Variants in SLC37A3 observed in about 807,000 individuals in gnomAD.
The protein encoded by SLC37A3 is solute carrier family 37 member 3, also known as sugar phosphate exchanger 3.
A neutral mutation model predicts 67.1 loss-of-function variants in SLC37A3; 51 were observed. The observed-to-expected ratio is 0.76, with a 90% CI of 0.61 to 0.96. The LOEUF (loss-of-function observed/expected upper bound fraction) is 0.96, where lower values mean the gene tolerates loss of function less well. Ranked by LOEUF, SLC37A3 falls within the 40% of genes least tolerant of loss-of-function variation. The pLI is 0.00. For missense variants in SLC37A3, 508 were observed against 603.0 expected, an observed-to-expected ratio of 0.84 and a Z score of 1.65; for synonymous variants, 214 against 231.4, an observed-to-expected ratio of 0.92 and a Z score of 0.68.
Position 140,343,505 on chromosome 7 carries a change from A to G in SLC37A3, c.1233T>C (p.Gly411=). The G allele has an allele frequency of 6.2e-7, 1 of 1,614,046 alleles. No homozygotes were observed. The highest frequency in any genetic ancestry group is 1.1e-5 in the South Asian group (1 of 91,052). The change falls in exon 13 of 15, where the codon GGT becomes GGC. Residue 411 remains glycine (G), a synonymous_variant. Transcript: ENST00000326232. ...TGCTCCTTTGGATGAGCTCCTGGCG[A>G]CCCAAGTCCGCAGAAATAGCAGAAC... The part of the protein sequence containing the change: ...MISSAISADL[G]RQELIQRSSE...
chr7:140,352,159 G>A lies in SLC37A3; in HGVS notation c.619-13C>T. 6.3e-7 allele frequency: 1 copy of A among 1,582,186 alleles called. No individual in the cohort carries two copies. Among genetic ancestry groups the A allele is most frequent in the Non-Finnish European group, 8.6e-7 (1 of 1,160,724 alleles). On this transcript the variant is annotated splice_polypyrimidine_tract_variant and intron_variant, in intron 7 of 14. Transcript: ENST00000326232. ...CCAGAAAGGCATACTGGAGGAGAGG[G>A]GTGAAAGGTGGTCCTTACATATCTG...
rs1291886101 is a variant in SLC37A3, at chr7:140,363,040, C to G, written c.375+1368G>C. On this transcript the variant is annotated intron_variant, in intron 5 of 14. Transcript: ENST00000326232. Reference sequence around the variant, plus strand: ...AATGGGAAGTGAGGACCCCTCTGCCCGGCCAGCCGCCCCGTCAGGGAGGGT... The same window carrying G: ...AATGGGAAGTGAGGACCCCTCTGCCGGGCCAGCCGCCCCGTCAGGGAGGGT... Among the ~76,000 whole-genome samples, 4 of 94,436 alleles carry G rather than the reference C, an allele frequency of 4.2e-5. 2 individuals carry two copies. Among genetic ancestry groups the G allele is most frequent in the African/African-American group, 1.5e-4 (4 of 25,852 alleles). 62.0% of individuals were successfully genotyped at this position (94,436 alleles called of 152,430 possible).
At chr7:140,352,765 A>G (rs1439904509) in intron 7 of SLC37A3, among the ~76,000 whole-genome samples, 1 of 152,194 alleles carries the variant, frequency 6.6e-6, no homozygotes. Context: ...GGCTTCTGCT[A>G]GGGGATAATC....
At chr7:140,368,759 TC>T (rs1255093502) in intron 4 of SLC37A3, among the ~76,000 whole-genome samples, 23 of 152,104 alleles carry the variant, frequency 1.5e-4, no homozygotes, top group African/African-American at 4.3e-4. Context: ...CTCCCCAGTC[TC>T]CCCTCTGCCA....
chr7:140,350,435 C>T (rs547205964), intron 9 of SLC37A3, among the ~76,000 whole-genome samples: 222 of 152,234 alleles, frequency 1.5e-3, no homozygotes, highest in Middle Eastern at 6.8e-3. Context: ...AATGCATTAC[C>T]AAGAAAGACT....
At chr7:140,338,405 T>C (rs1488387163) in intron 13 of SLC37A3, among the ~76,000 whole-genome samples, 1 of 152,184 alleles carries the variant, frequency 6.6e-6, no homozygotes, top group Admixed American at 6.5e-5. Context: ...GGAATCACAG[T>C]ATTTGTCCTT....
chr7:140,336,800 C>T (rs1204534957), intron 14 of SLC37A3, among the ~76,000 whole-genome samples: 1 of 152,006 alleles, frequency 6.6e-6, no homozygotes, highest in African/African-American at 2.4e-5. Flanking sequence ...TTTTCTTCCT[C>T]ACAAAGAAGA....
At chr7:140,338,133 G>A (rs149574629) in intron 13 of SLC37A3, among the ~76,000 whole-genome samples, 1,793 of 152,072 alleles carry the variant, frequency 0.012, 37 homozygotes, top group African/African-American at 0.041. Flanking sequence ...CTTGTGATCC[G>A]TCCACCTCGG....
chr7:140,377,209 T>C (rs1007628531), intron 3 of SLC37A3, among the ~76,000 whole-genome samples: 1 of 151,236 alleles, frequency 6.6e-6, no homozygotes, highest in Non-Finnish European at 1.5e-5. Flanking sequence ...CCTCCCAAAG[T>C]GTTTTTTTTT....
chr7:140,375,057 A>G (rs1190732631), intron 3 of SLC37A3, among the ~76,000 whole-genome samples: 4 of 31,034 alleles, frequency 1.3e-4, no homozygotes, highest in African/African-American at 4.5e-4. Context: ...GAGGCAGAAG[A>G]ATCGAAGAAT....
chr7:140,361,152 A>G (rs1274491131), intron 5 of SLC37A3, among the ~76,000 whole-genome samples: 3 of 151,948 alleles, frequency 2.0e-5, no homozygotes, highest in East Asian at 3.9e-4. Flanking sequence ...CATCCAAGGC[A>G]GGCAGAACAG....
At chr7:140,340,209 T>C (rs1796305210) in intron 13 of SLC37A3, among the ~76,000 whole-genome samples, 1 of 152,184 alleles carries the variant, frequency 6.6e-6, no homozygotes. Flanking sequence ...ATGAGTTTCA[T>C]AATTTTAAGT....
chr7:140,386,293 T>C (rs1302264503), intron 1 of SLC37A3, among the ~76,000 whole-genome samples: 1 of 151,992 alleles, frequency 6.6e-6, no homozygotes, highest in Non-Finnish European at 1.5e-5. Flanking sequence ...TGGTCTTGAA[T>C]TCCTGGCCTC....
Position 140,351,574 on chromosome 7 carries a change from T to C in SLC37A3, c.704-123A>G, listed in dbSNP as rs1480895773. 5 of 1,010,330 alleles carry C rather than the reference T, an allele frequency of 4.9e-6. No homozygotes were observed. The East Asian group carries it at 1.3e-4, about 26-fold the overall frequency. 62.6% of individuals were successfully genotyped at this position (1,010,330 alleles called of 1,614,324 possible). On this transcript the variant is annotated intron_variant, in intron 8 of 14. Transcript: ENST00000326232. ...CATTTTACAGAAGCAGCAACGAAGG[T>C]CCAGAGACCGAGGTCAACTAAGGTC...
intron 4 of SLC37A3, among the ~76,000 whole-genome samples, 153 bp downstream of exon 4, chr7:140,369,425 GAATGAATGAATA>G (rs1436557542): frequency 2.0e-5 from 3 of 152,120 alleles, no homozygotes; most frequent in Non-Finnish European, 4.4e-5. Context: ...AATATCTGTC[GAATGAATGAATA>G]AATGAATGGG....
chr7:140,336,991 C>T (rs1387616384), intron 14 of SLC37A3, among the ~76,000 whole-genome samples: 7 of 149,720 alleles, frequency 4.7e-5, no homozygotes, highest in Admixed American at 6.7e-5. Flanking sequence ...CCCAGCTACT[C>T]GGGAGGCTGA....
intron 5 of SLC37A3, 148 bp downstream of exon 5, chr7:140,364,260 A>C (rs1002057856): frequency 4.3e-6 from 3 of 697,298 alleles, no homozygotes; most frequent in Non-Finnish European, 6.7e-6. Flanking sequence ...TCGGGGGGGA[A>C]AAAAAAGACT....
At chr7:140,358,049 C>T (rs1415498858) in intron 6 of SLC37A3, among the ~76,000 whole-genome samples, 1 of 152,030 alleles carries the variant, frequency 6.6e-6, no homozygotes, top group East Asian at 1.9e-4. Context: ...GCACTCCAGC[C>T]TGGTGACAGA....
intron 11 of SLC37A3, among the ~76,000 whole-genome samples, 189 bp from the exon 12 acceptor site, chr7:140,345,452 T>C (rs189677265): frequency 6.6e-6 from 1 of 152,338 alleles, no homozygotes; most frequent in African/African-American, 2.4e-5. Flanking sequence ...ATGCTCAAGC[T>C]AACAAGACTT....
Sources: allele counts gnomAD v4.1 joint callset (sites outside exome capture counted in the v4.1 genomes callset), GRCh38; gene constraint gnomAD v4.1.1; transcripts MANE v1.5; gene names NCBI Gene and HGNC (gene_info 2026-07-23, HGNC 2026-07-21).